The following GAPVD1 variants were observed in gnomAD, a reference collection of about 807,000 sequenced individuals.
GAPVD1 encodes GTPase activating protein and VPS9 domains 1.
GAPVD1 carries 35 observed loss-of-function variants against 155.5 expected under a neutral mutation model. That is an observed-to-expected ratio of 0.23 (90% confidence interval 0.17 to 0.30). The LOEUF is 0.30. Among genes scored for constraint, GAPVD1 ranks in the 10% least tolerant of loss-of-function variants. The pLI, the probability that GAPVD1 is intolerant of heterozygous loss-of-function variation, is 1.00. For missense variants in GAPVD1, 1,429 were observed against 1,775.7 expected, an observed-to-expected ratio of 0.80 and a Z score of 3.51; for synonymous variants, 636 against 619.7, an observed-to-expected ratio of 1.03 and a Z score of -0.39.
chr9:125,320,192 G>A (rs1350994129), intron 9 of GAPVD1, among the ~76,000 whole-genome samples: 1 of 152,098 alleles, frequency 6.6e-6, no homozygotes, highest in Non-Finnish European at 1.5e-5. Flanking sequence ...TTCAGCAACA[G>A]CCAAGGGAGC....
chr9:125,324,445 C>G (rs1844841439), intron 11 of GAPVD1, among the ~76,000 whole-genome samples: 1 of 151,996 alleles, frequency 6.6e-6, no homozygotes. Flanking sequence ...ACAAAATTAG[C>G]CAGGGTGGTG....
At chr9:125,315,850 C>G (rs1484839322) in intron 9 of GAPVD1, among the ~76,000 whole-genome samples, 1 of 151,922 alleles carries the variant, frequency 6.6e-6, no homozygotes, top group Non-Finnish European at 1.5e-5. Context: ...CAGGAAAGAC[C>G]CTAGAAGATC....
intron 8 of GAPVD1, chr9:125,309,401 C>G (rs1331951990): frequency 6.6e-6 from 1 of 152,026 alleles, no homozygotes; most frequent in Non-Finnish European, 1.5e-5. Context: ...GTGGCACAAT[C>G]TTGGCTCACT....
At chr9:125,330,315 C>A in intron 13 of GAPVD1, 97 bp downstream of exon 13, 21 of 689,906 alleles carry the variant, frequency 3.0e-5, no homozygotes, top group Non-Finnish European at 4.6e-5. Context: ...TTGTCAAATA[C>A]ACTTTTTTTT....
intron 27 of GAPVD1, among the ~76,000 whole-genome samples, chr9:125,361,111 C>A (rs756307224): frequency 6.6e-6 from 1 of 152,074 alleles, no homozygotes; most frequent in Non-Finnish European, 1.5e-5. Context: ...TCAAGTGATT[C>A]GCCCGCCTCA....
intron 2 of GAPVD1, among the ~76,000 whole-genome samples, chr9:125,284,115 A>G (rs186331360): frequency 1.3e-5 from 2 of 148,298 alleles, no homozygotes; most frequent in African/African-American, 5.0e-5. Context: ...ACCTCAAGTG[A>G]TCCACCCGCC....
chr9:125,329,224 C>T (rs980238470), intron 12 of GAPVD1, among the ~76,000 whole-genome samples: 2 of 152,170 alleles, frequency 1.3e-5, no homozygotes, highest in African/African-American at 4.8e-5. Context: ...TGTATTTGCG[C>T]AATAAGCTGT....
intron 9 of GAPVD1, among the ~76,000 whole-genome samples, chr9:125,316,425 C>T (rs891785951): frequency 3.9e-5 from 6 of 152,000 alleles, no homozygotes; most frequent in African/African-American, 1.2e-4. Flanking sequence ...GGAGAACATG[C>T]GGTGTTTGGT....
At position 125,263,274 on chromosome 9, in the gene GAPVD1, C is replaced by T. The variant is rs186980091; in HGVS notation, c.-199+1315C>T. On this transcript the variant is annotated intron_variant, in intron 1 of 27. Transcript: ENST00000297933. Reference sequence around the variant, plus strand: ...GACCATCCTGGCCAACATGGTGAAACCCCATCTCTACTAAAAATACAAAAA... The same window carrying T: ...GACCATCCTGGCCAACATGGTGAAATCCCATCTCTACTAAAAATACAAAAA... Among the ~76,000 whole-genome samples the T allele has an allele frequency of 1.6e-3, 249 of 152,282 alleles. 1 individual carries two copies. Among genetic ancestry groups the T allele is most frequent in the African/African-American group, 5.6e-3 (232 of 41,570 alleles).
chr9:125,306,018 TTAAA>T (rs1841738653), intron 6 of GAPVD1, among the ~76,000 whole-genome samples: 1 of 152,216 alleles, frequency 6.6e-6, no homozygotes. Flanking sequence ...ATTAATATAG[TTAAA>T]TAAAATTTTA....
intron 24 of GAPVD1, 114 bp downstream of exon 24, chr9:125,354,955 C>G: frequency 1.6e-6 from 1 of 621,714 alleles, no homozygotes; most frequent in South Asian, 2.5e-5. Context: ...CTTAAATACC[C>G]AATTATTTTA....
chr9:125,343,045 G>C (rs1437866265), intron 19 of GAPVD1, among the ~76,000 whole-genome samples: 1 of 152,122 alleles, frequency 6.6e-6, no homozygotes, highest in East Asian at 1.9e-4. Flanking sequence ...GCTGTGTATT[G>C]TTTCCAGTGG....
At chr9:125,284,638 A>G (rs1162011306) in intron 2 of GAPVD1, among the ~76,000 whole-genome samples, 1 of 152,062 alleles carries the variant, frequency 6.6e-6, no homozygotes, top group Non-Finnish European at 1.5e-5. Context: ...ATGTGCAGTC[A>G]TGGGTCCTTA....
At chr9:125,327,943 C>G (rs756477098) in intron 12 of GAPVD1, among the ~76,000 whole-genome samples, 1 of 152,114 alleles carries the variant, frequency 6.6e-6, no homozygotes. Flanking sequence ...TCTTCTCTCC[C>G]CTCATTATGT....
chr9:125,354,993 G>A, intron 24 of GAPVD1, 152 bp downstream of exon 24: 1 of 527,058 alleles, frequency 1.9e-6, no homozygotes, highest in Non-Finnish European at 3.3e-6. Context: ...AAACTTTGAT[G>A]TCAAACCAAT....
At chr9:125,270,493 A>C (rs574822874) in intron 2 of GAPVD1, among the ~76,000 whole-genome samples, 1 of 152,102 alleles carries the variant, frequency 6.6e-6, no homozygotes, top group African/African-American at 2.4e-5. Context: ...ACTTTTCTGG[A>C]TATGTTTCAA....
At chr9:125,293,829 AAAT>A (rs1161007902) in intron 2 of GAPVD1, among the ~76,000 whole-genome samples, 1 of 120,892 alleles carries the variant, frequency 8.3e-6, no homozygotes, top group South Asian at 2.5e-4. Flanking sequence ...AAATATAAAA[AAAT>A]ATATATATAA....
intron 1 of GAPVD1, among the ~76,000 whole-genome samples, chr9:125,266,606 C>T (rs150067148): frequency 6.7e-4 from 102 of 152,214 alleles, no homozygotes; most frequent in African/African-American, 2.1e-3. Context: ...AGCCACCGCG[C>T]GCAGCCCGTT....
Position 125,350,805 on chromosome 9 carries a change from C to T in GAPVD1, c.3502C>T (p.Arg1168Cys), listed in dbSNP as rs537643704. Reference protein sequence around the residue: ...NLMAQLQETMRCVCRFDNRTC... With the variant: ...NLMAQLQETMCCVCRFDNRTC... ...AATGGCTCAACTTCAAGAAACAATG[C>T]GCTGTGTGTGCCGTTTTGATAATAG... Residue 1168 changes from arginine to cysteine, a missense_variant, in exon 23 of 28, where the codon CGC becomes TGC. Arg to Cys is a radical substitution (Grantham distance 180). Coordinates refer to ENST00000297933, the MANE Select transcript of GAPVD1 (RefSeq NM_001282680.3). The T allele has an allele frequency of 2.5e-6, 4 of 1,612,698 alleles. No individual in the cohort carries two copies. The highest frequency in any genetic ancestry group is 1.1e-5 in the South Asian group (1 of 91,036).
Sources: gnomAD v4.1 joint callset for allele counts (sites outside exome capture counted in the v4.1 genomes callset) on GRCh38, gnomAD v4.1.1 for gene constraint, MANE v1.5 for transcripts, NCBI Gene and HGNC (gene_info 2026-07-23, HGNC 2026-07-21) for gene names.